LINGO2: variants seen among roughly 807,000 people sequenced by gnomAD.
The protein encoded by LINGO2 is leucine rich repeat and Ig domain containing 2.
In LINGO2, 14 loss-of-function variants were observed where a neutral mutation model predicts 30.6. That is an observed-to-expected ratio of 0.46 (90% CI 0.30 to 0.72). The LOEUF is 0.72. LINGO2 is among the 30% of genes least tolerant of loss of function. LINGO2 has a pLI of 0.07. For synonymous variants in LINGO2, 317 were observed against 288.5 expected, an observed-to-expected ratio of 1.10 and a Z score of -1.00; for missense variants, 729 against 751.7, an observed-to-expected ratio of 0.97 and a Z score of 0.35.
chr9:28,369,728 C>A (rs1377620252), intron 3 of LINGO2, among the ~76,000 whole-genome samples: 5 of 152,052 alleles, frequency 3.3e-5, no homozygotes, highest in Non-Finnish European at 7.4e-5. Flanking sequence ...TTAAGAAGAG[C>A]TTAAGGTTTT....
At chr9:28,241,823 T>C (rs193284959) in intron 4 of LINGO2, among the ~76,000 whole-genome samples, 31 of 152,158 alleles carry the variant, frequency 2.0e-4, no homozygotes, top group East Asian at 9.7e-4. Context: ...TCTCCAGGCA[T>C]GGAAGTAAAT....
At chr9:28,382,690 TG>T (rs1821401313) in intron 2 of LINGO2, among the ~76,000 whole-genome samples, 1 of 152,064 alleles carries the variant, frequency 6.6e-6, no homozygotes, top group Non-Finnish European at 1.5e-5. Context: ...CACTAAAGCA[TG>T]GTGGTCAAAA....
chr9:28,929,640 T>C, the LINGO2 span, among the ~76,000 whole-genome samples: 2 of 152,170 alleles, frequency 1.3e-5, no homozygotes, highest in Non-Finnish European at 2.9e-5. Flanking sequence ...CATGGACAAC[T>C]TTCCACATTT....
intron 4 of LINGO2, among the ~76,000 whole-genome samples, chr9:28,056,351 G>T (rs911978717): frequency 3.3e-5 from 5 of 152,090 alleles, no homozygotes; most frequent in African/African-American, 1.2e-4. Context: ...CTGTTTACTC[G>T]TACAGCCTCC....
At chr9:28,261,086 A>G (rs1309625813) in intron 4 of LINGO2, among the ~76,000 whole-genome samples, 2 of 151,976 alleles carry the variant, frequency 1.3e-5, no homozygotes, top group Non-Finnish European at 2.9e-5. Flanking sequence ...CTGCTTAATT[A>G]CTGTGTAGTT....
the LINGO2 span, among the ~76,000 whole-genome samples, chr9:28,993,297 C>T: frequency 3.3e-5 from 5 of 152,076 alleles, no homozygotes; most frequent in Admixed American, 6.5e-5. Flanking sequence ...ACACATACAC[C>T]CTCCCAAGAC....
At chr9:27,990,114 C>G (rs1312237208) in intron 5 of LINGO2, among the ~76,000 whole-genome samples, 3 of 152,010 alleles carry the variant, frequency 2.0e-5, no homozygotes, top group Non-Finnish European at 4.4e-5. Context: ...GCACTGCTTA[C>G]TTCATTTTAA....
intron 4 of LINGO2, among the ~76,000 whole-genome samples, chr9:28,189,114 C>T (rs1178523273): frequency 6.6e-6 from 1 of 151,934 alleles, no homozygotes; most frequent in African/African-American, 2.4e-5. Flanking sequence ...CCTGCAAATT[C>T]AGAACAAAGT....
intron 4 of LINGO2, among the ~76,000 whole-genome samples, chr9:28,152,425 A>T (rs1443343608): frequency 6.6e-6 from 1 of 152,104 alleles, no homozygotes; most frequent in Non-Finnish European, 1.5e-5. Flanking sequence ...CCAGCGCGCC[A>T]TGGTTCTTTC....
At chr9:28,997,229 G>A in the LINGO2 span, among the ~76,000 whole-genome samples, 1 of 151,810 alleles carries the variant, frequency 6.6e-6, no homozygotes, top group African/African-American at 2.4e-5. Context: ...AGGAGTTCAA[G>A]ACCAGCCTGG....
intron 1 of LINGO2, among the ~76,000 whole-genome samples, chr9:28,539,378 A>T (rs896288193): frequency 6.6e-6 from 1 of 152,320 alleles, no homozygotes; most frequent in East Asian, 1.9e-4. Flanking sequence ...AAAAGAAAAC[A>T]TTAGCAGTGA....
At chr9:28,055,687 TC>T (rs1824900480) in intron 4 of LINGO2, among the ~76,000 whole-genome samples, 1 of 152,190 alleles carries the variant, frequency 6.6e-6, no homozygotes, top group Admixed American at 6.6e-5. Flanking sequence ...ACAAAATGCT[TC>T]TTTGTTAACT....
At chr9:29,170,737 G>C in the LINGO2 span, among the ~76,000 whole-genome samples, 1 of 151,752 alleles carries the variant, frequency 6.6e-6, no homozygotes, top group Non-Finnish European at 1.5e-5. Flanking sequence ...ATGTAAGAAA[G>C]ACAAGTTACT....
intron 4 of LINGO2, among the ~76,000 whole-genome samples, chr9:28,123,156 GA>G (rs1827146282): frequency 6.6e-6 from 1 of 152,176 alleles, no homozygotes; most frequent in South Asian, 2.1e-4. Context: ...GGTGAATGGA[GA>G]AAAGGGGCCA....
rs1054970524 is a variant in LINGO2, at chr9:28,042,987, G to C, written c.-86-30582C>G. The stretch of plus-strand genomic sequence containing the variant: ...TCTAAAGAAAACAGGTACACTTTAA[G>C]GGTCTAATGCAATGTGACTTGAGGA... On this transcript the variant is annotated intron_variant, in intron 4 of 5. Coordinates refer to ENST00000379992, the Ensembl canonical transcript of LINGO2. 3.3e-4 allele frequency among the ~76,000 whole-genome samples: 51 copies of C among 152,292 alleles called. 1 individual carries two copies. Among genetic ancestry groups the C allele is most frequent in the African/African-American group, 1.2e-3 (50 of 41,566 alleles).
the LINGO2 span, among the ~76,000 whole-genome samples, chr9:28,881,525 C>T: frequency 3.3e-5 from 5 of 150,692 alleles, no homozygotes; most frequent in African/African-American, 1.2e-4. Context: ...ACTTATTTGA[C>T]AAATATTTTA....
intron 1 of LINGO2, among the ~76,000 whole-genome samples, chr9:28,662,959 A>G (rs1371475220): frequency 6.6e-6 from 1 of 152,128 alleles, no homozygotes; most frequent in Non-Finnish European, 1.5e-5. Context: ...AATATTAACA[A>G]AGTTTCACAC....
At chr9:29,031,272 GATTT>G in the LINGO2 span, among the ~76,000 whole-genome samples, 1 of 146,256 alleles carries the variant, frequency 6.8e-6, no homozygotes, top group Non-Finnish European at 1.5e-5. Context: ...TGGTGGTGGT[GATTT>G]ATTTATTTAT....
At chr9:28,357,327 C>CCCCAA (rs55802733) in intron 3 of LINGO2, among the ~76,000 whole-genome samples, 1 of 139,610 alleles carries the variant, frequency 7.2e-6, no homozygotes, top group African/African-American at 2.6e-5. Context: ...CCACCCCCCC[C>CCCCAA]AAAAAAGAAA....
Sources: allele counts gnomAD v4.1 joint callset (sites outside exome capture counted in the v4.1 genomes callset), GRCh38; gene constraint gnomAD v4.1.1; transcripts MANE v1.5; gene names NCBI Gene and HGNC (gene_info 2026-07-23, HGNC 2026-07-21).